Variants in STK39 observed in about 807,000 individuals in gnomAD.
STK39 encodes STE20/SPS1-related proline-alanine-rich protein kinase.
A neutral mutation model predicts 77.8 loss-of-function variants in STK39; 20 were observed. That is an observed-to-expected ratio of 0.26 (90% CI 0.18 to 0.37). The LOEUF (loss-of-function observed/expected upper bound fraction) is 0.37, where lower values mean the gene tolerates loss of function less well. STK39 is among the 10% of genes least tolerant of loss of function. The probability of loss-of-function intolerance (pLI) is 1.00; values close to 1 mark genes in which losing one functional copy is unlikely to be tolerated. For synonymous variants in STK39, 246 were observed against 234.1 expected (o/e 1.05, Z -0.47); for missense variants, 479 against 656.5 (o/e 0.73, Z 2.95).
intron 1 of STK39, among the ~76,000 whole-genome samples, chr2:168,197,998 A>G (rs1689515051): frequency 6.6e-6 from 1 of 150,760 alleles, no homozygotes; most frequent in African/African-American, 2.4e-5. Flanking sequence ...AGACTGTGCC[A>G]TTGCACTCCA....
At chr2:168,074,310 T>C (rs1209492799) in intron 12 of STK39, among the ~76,000 whole-genome samples, 3 of 152,252 alleles carry the variant, frequency 2.0e-5, no homozygotes, top group Non-Finnish European at 2.9e-5. Flanking sequence ...CTGTAAAATA[T>C]TTGGAGCTAT....
chr2:168,167,181 C>G (rs1688712993), intron 3 of STK39, 118 bp downstream of exon 3: 1 of 840,218 alleles, frequency 1.2e-6, no homozygotes, highest in Non-Finnish European at 1.9e-6. Context: ...AATGAGAAAC[C>G]AAACAAACTT....
At chr2:168,239,006 C>A (rs1164075736) in intron 1 of STK39, among the ~76,000 whole-genome samples, 1 of 152,154 alleles carries the variant, frequency 6.6e-6, no homozygotes, top group African/African-American at 2.4e-5. Flanking sequence ...ATTATAACAT[C>A]TATTAGAATG....
intron 14 of STK39, among the ~76,000 whole-genome samples, chr2:168,053,380 C>G (rs938039155): frequency 6.6e-6 from 1 of 151,668 alleles, no homozygotes; most frequent in African/African-American, 2.4e-5. Context: ...TATACAATAA[C>G]ATTTAAAAAA....
chr2:168,228,303 G>C lies in STK39; in HGVS notation c.208+18925C>G, dbSNP rs562035261. Among the ~76,000 whole-genome samples the C allele has an allele frequency of 1.7e-3, 256 of 151,972 alleles. 2 individuals carry two copies. The highest frequency in any genetic ancestry group is 5.6e-3 in the African/African-American group (231 of 41,438). ...GTGAAAGTACTGGGAATACAAAAAA[G>C]GTAGACATTTCTAAAAATATCAATT... is the stretch of plus-strand genomic sequence containing the variant. On this transcript the variant is annotated intron_variant, in intron 1 of 17. Transcript: ENST00000355999.
chr2:168,169,336 C>T (rs1028633174), intron 2 of STK39, among the ~76,000 whole-genome samples: 3 of 152,158 alleles, frequency 2.0e-5, no homozygotes, highest in Admixed American at 6.5e-5. Flanking sequence ...AGGTCTGTAG[C>T]ATTAGGTAGG....
At chr2:168,162,210 T>A (rs908957086) in intron 4 of STK39, among the ~76,000 whole-genome samples, 1 of 142,750 alleles carries the variant, frequency 7.0e-6, no homozygotes, top group Non-Finnish European at 1.5e-5. Flanking sequence ...CACTTGAACC[T>A]GGGAGGTGGA....
At chr2:168,049,427 C>T (rs1175666250) in intron 14 of STK39, among the ~76,000 whole-genome samples, 3 of 152,168 alleles carry the variant, frequency 2.0e-5, no homozygotes, top group Non-Finnish European at 4.4e-5. Flanking sequence ...CAAGTATCTG[C>T]CAATCAATAT....
At chr2:168,181,936 T>A in intron 2 of STK39, 42 bp downstream of exon 2, 1 of 1,566,120 alleles carries the variant, frequency 6.4e-7, no homozygotes, top group Non-Finnish European at 8.8e-7. Flanking sequence ...ACCCATAGAT[T>A]AAGAAAAGCA....
intron 2 of STK39, among the ~76,000 whole-genome samples, chr2:168,178,257 C>T (rs1171360571): frequency 6.6e-6 from 1 of 152,148 alleles, no homozygotes; most frequent in South Asian, 2.1e-4. Context: ...GTAAGGAATA[C>T]AGAACAAACC....
intron 1 of STK39, among the ~76,000 whole-genome samples, chr2:168,245,514 G>T (rs561304346): frequency 1.3e-5 from 2 of 152,336 alleles, no homozygotes; most frequent in East Asian, 1.9e-4. Context: ...ATTTTGCCTT[G>T]AAAGAAGCAG....
At chr2:168,242,561 ATATATATATATATAT>A (rs1259462405) in intron 1 of STK39, among the ~76,000 whole-genome samples, 15 of 68,290 alleles carry the variant, frequency 2.2e-4, no homozygotes, top group African/African-American at 7.0e-4. Flanking sequence ...AAAAAAAAAA[ATATATATATATATAT>A]ATATATATAT....
At chr2:168,234,795 A>G (rs80014304) in intron 1 of STK39, among the ~76,000 whole-genome samples, 249 of 151,652 alleles carry the variant, frequency 1.6e-3, no homozygotes, top group South Asian at 4.6e-3. Context: ...CCCTAAAGAC[A>G]TAAGATTTTT....
intron 16 of STK39, among the ~76,000 whole-genome samples, chr2:168,006,024 C>G (rs987109108): frequency 5.9e-5 from 9 of 152,164 alleles, no homozygotes; most frequent in African/African-American, 1.9e-4. Context: ...AATGCAGGCA[C>G]CCAGCTCCCT....
chr2:168,233,878 A>G (rs1690525504), intron 1 of STK39, among the ~76,000 whole-genome samples: 1 of 152,192 alleles, frequency 6.6e-6, no homozygotes, highest in South Asian at 2.1e-4. Context: ...ATTGGGTTTC[A>G]TTTGGACAGA....
chr2:168,043,605 C>T (rs996833596), intron 14 of STK39, among the ~76,000 whole-genome samples: 1 of 152,224 alleles, frequency 6.6e-6, no homozygotes, highest in Non-Finnish European at 1.5e-5. Flanking sequence ...TAATAGGTTA[C>T]AACTAACTCA....
chr2:168,042,021 T>G (rs77606528), intron 14 of STK39, among the ~76,000 whole-genome samples: 1,537 of 152,300 alleles, frequency 0.01, 33 homozygotes, highest in African/African-American at 0.035. Flanking sequence ...TTTAATCCTA[T>G]AGGTCTACTT....
chr2:168,103,174 A>C (rs913711843), intron 10 of STK39, among the ~76,000 whole-genome samples: 16 of 152,174 alleles, frequency 1.1e-4, no homozygotes, highest in South Asian at 6.2e-4. Context: ...TGGACTGCTG[A>C]TGATGACAAT....
At chr2:168,154,192 TAGA>T (rs1688367068) in intron 5 of STK39, among the ~76,000 whole-genome samples, 1 of 152,154 alleles carries the variant, frequency 6.6e-6, no homozygotes, top group Non-Finnish European at 1.5e-5. Flanking sequence ...GCCCATTCAA[TAGA>T]AGAATGGTTC....
Sources: allele counts gnomAD v4.1 joint callset (sites outside exome capture counted in the v4.1 genomes callset), GRCh38; gene constraint gnomAD v4.1.1; transcripts MANE v1.5; gene names NCBI Gene and HGNC (gene_info 2026-07-23, HGNC 2026-07-21).